Variants in COL6A5 observed in about 807,000 individuals in gnomAD.
COL6A5 encodes collagen alpha-5(VI) chain.
Under a neutral mutation model 65.6 loss-of-function variants are expected in COL6A5, and 48 were observed. That is an observed-to-expected ratio of 0.73 (90% CI 0.58 to 0.93). The LOEUF is 0.93. Among genes scored for constraint, COL6A5 ranks in the 40% least tolerant of loss-of-function variants. The pLI is 0.00. For synonymous variants in COL6A5, 291 were observed against 322.8 expected, an observed-to-expected ratio of 0.90 and a Z score of 1.05; for missense variants, 914 against 928.3, an observed-to-expected ratio of 0.98 and a Z score of 0.20.
At chr3:130,417,424 C>A (rs898562821) in intron 24 of COL6A5, among the ~76,000 whole-genome samples, 1 of 152,076 alleles carries the variant, frequency 6.6e-6, no homozygotes, top group Non-Finnish European at 1.5e-5. Flanking sequence ...TTCCATTGAG[C>A]AAAGAGTTTC....
At chr3:130,420,278 T>C (rs1156775370) in intron 25 of COL6A5, among the ~76,000 whole-genome samples, 6 of 152,116 alleles carry the variant, frequency 3.9e-5, no homozygotes, top group Non-Finnish European at 8.8e-5. Flanking sequence ...ATATTTATCA[T>C]TATCATCCTG....
intron 7 of COL6A5, among the ~76,000 whole-genome samples, chr3:130,471,414 T>A (rs1399237381): frequency 6.6e-6 from 1 of 152,112 alleles, no homozygotes; most frequent in Non-Finnish European, 1.5e-5. Context: ...CAAGTTTGAT[T>A]TTACAAAGTA....
chr3:130,418,744 C>A, intron 24 of COL6A5, 125 bp from the exon 25 acceptor site: 1 of 719,808 alleles, frequency 1.4e-6, no homozygotes, highest in East Asian at 2.7e-5. Flanking sequence ...CTACACTCAT[C>A]CCCTTAGTGA....
chr3:130,444,843 T>A (rs1017243203), intron 4 of COL6A5, among the ~76,000 whole-genome samples: 1 of 152,212 alleles, frequency 6.6e-6, no homozygotes, highest in African/African-American at 2.4e-5. Context: ...TAAATTTAGT[T>A]ATGTCCAATG....
At chr3:130,417,616 T>C (rs1462974230) in intron 24 of COL6A5, among the ~76,000 whole-genome samples, 1 of 152,046 alleles carries the variant, frequency 6.6e-6, no homozygotes, top group Non-Finnish European at 1.5e-5. Flanking sequence ...TGCATGTGGT[T>C]CTCGAACCAC....
Position 130,380,986 on chromosome 3 carries a change from C to T in COL6A5, c.1300+936C>T, listed in dbSNP as rs1249247710. On this transcript the variant is annotated intron_variant and NMD_transcript_variant, in intron 4 of 41. Coordinates refer to the COL6A5 transcript ENST00000312481. Reference sequence around the variant, plus strand: ...GGATCGTTGTCCAAAATAATGGCTCCAGGCATCACCCTCACATCCAGAAAT... The same window carrying T: ...GGATCGTTGTCCAAAATAATGGCTCTAGGCATCACCCTCACATCCAGAAAT... 4.6e-5 allele frequency among the ~76,000 whole-genome samples: 7 copies of T among 152,044 alleles called. No individual in the cohort carries two copies. The South Asian group carries it at 1.2e-3, about 27-fold the overall frequency.
chr3:130,431,567 T>C (rs1482019931), exon 1 of COL6A5: 3 of 1,551,506 alleles, frequency 1.9e-6, no homozygotes, highest in African/African-American at 2.7e-5. Context: ...ATCACTTCCA[T>C]TGTCAATGAC....
intron 7 of COL6A5, among the ~76,000 whole-genome samples, chr3:130,481,083 C>G (rs1291501255): frequency 6.6e-6 from 1 of 151,604 alleles, no homozygotes; most frequent in Non-Finnish European, 1.5e-5. Context: ...TTCTGGGATA[C>G]ATGTATAAAA....
chr3:130,403,708 TAC>T (rs71158192), intron 13 of COL6A5, 46 bp downstream of exon 13: 44,020 of 1,120,310 alleles, frequency 0.039, 54 homozygotes, highest in African/African-American at 0.053. Context: ...ACACACACTG[TAC>T]ACACACACAC....
At position 130,387,176 on chromosome 3, in the gene COL6A5, A is replaced by T. The variant is rs568397085; in HGVS notation, c.1862-1404A>T. Reference sequence around the variant, plus strand: ...GAGCCTACCACACTCAACTGTTTTAATGGTAAGACCCAGAAGTGGCCAGAT... The same window carrying T: ...GAGCCTACCACACTCAACTGTTTTATTGGTAAGACCCAGAAGTGGCCAGAT... On this transcript the variant is annotated intron_variant and NMD_transcript_variant, in intron 5 of 41. Transcript: ENST00000312481. 2.6e-5 allele frequency among the ~76,000 whole-genome samples: 4 copies of T among 152,152 alleles called. No individual in the cohort carries two copies. In the East Asian group the frequency reaches 7.7e-4, roughly 29 times the overall value.
At chr3:130,418,099 T>G (rs1937405312) in intron 24 of COL6A5, among the ~76,000 whole-genome samples, 2 of 152,134 alleles carry the variant, frequency 1.3e-5, no homozygotes, top group South Asian at 4.1e-4. Context: ...ATAGATACAT[T>G]ACCTAACTTA....
chr3:130,418,931 G>C (rs1415935017), exon 25 of COL6A5: 3 of 1,550,566 alleles, frequency 1.9e-6, no homozygotes, highest in Non-Finnish European at 2.6e-6. Flanking sequence ...GAGGAAGACA[G>C]GTATGAAGTT....
upstream of COL6A5, chr3:130,429,452 T>C: frequency 1.3e-6 from 1 of 758,496 alleles, no homozygotes; most frequent in Middle Eastern, 2.4e-4. Context: ...CACTTAGGAA[T>C]TAGCCTCATT....
At chr3:130,398,661 C>T (rs1194489874) in intron 10 of COL6A5, among the ~76,000 whole-genome samples, 1 of 152,126 alleles carries the variant, frequency 6.6e-6, no homozygotes, top group Non-Finnish European at 1.5e-5. Context: ...CTGATCTGAA[C>T]CATGTACCTG....
At chr3:130,428,137 A>G (rs116794495), upstream of COL6A5, among the ~76,000 whole-genome samples, 1 of 152,266 alleles carries the variant, frequency 6.6e-6, no homozygotes, top group African/African-American at 2.4e-5. Flanking sequence ...ACATAGAATA[A>G]AAGGAATTAG....
chr3:130,472,814 T>C (rs922616630), intron 7 of COL6A5, among the ~76,000 whole-genome samples: 1 of 135,118 alleles, frequency 7.4e-6, no homozygotes, highest in Non-Finnish European at 1.6e-5. Context: ...CAAAAAAGTT[T>C]ATATATGTGT....
At position 130,471,650 on chromosome 3, in the gene COL6A5, T is replaced by C. The variant is rs761232386; in HGVS notation, c.2328+683T>C. 1.5e-5 allele frequency: 23 copies of C among 1,525,496 alleles called. No homozygotes were observed. The Middle Eastern group carries it at 5.5e-4, about 36-fold the overall frequency. The allele number at this position is 1,525,496 out of a possible 1,614,324, so 94.5% of individuals were successfully genotyped here. Reference sequence around the variant, plus strand: ...TAATCTTGCAGGGGACTTGGCTAACTAATTTTTTATCTCTCTTCTCTATTA... The same window carrying C: ...TAATCTTGCAGGGGACTTGGCTAACCAATTTTTTATCTCTCTTCTCTATTA... On this transcript the variant is annotated intron_variant, in intron 7 of 7. Transcript: ENST00000512836.
At position 130,347,861 on chromosome 3, in the gene COL6A5, G is replaced by T. The variant is rs6791196; in HGVS notation, c.-29+1880G>T. Among the ~76,000 whole-genome samples the T allele has an allele frequency of 9.5e-3, 1,453 of 152,248 alleles. 31 individuals are homozygous for T. Among genetic ancestry groups the T allele is most frequent in the African/African-American group, 0.033 (1,389 of 41,540 alleles). Reference sequence around the variant, plus strand: ...AGATCCAGTACACACTGAGCAAGTGGAAAGTGCAAAGGAAGAGGAGTTGGG... The same window carrying T: ...AGATCCAGTACACACTGAGCAAGTGTAAAGTGCAAAGGAAGAGGAGTTGGG... On this transcript the variant is annotated intron_variant and NMD_transcript_variant, in intron 1 of 41. Transcript: ENST00000312481.
intron 7 of COL6A5, among the ~76,000 whole-genome samples, chr3:130,473,928 A>G (rs1358506631): frequency 6.6e-6 from 1 of 151,910 alleles, no homozygotes; most frequent in African/African-American, 2.4e-5. Context: ...TTAAGTTTTC[A>G]TTTCTGTGTT....
Sources: gnomAD v4.1 joint callset for allele counts (sites outside exome capture counted in the v4.1 genomes callset) on GRCh38, gnomAD v4.1.1 for gene constraint, MANE v1.5 for transcripts, NCBI Gene and HGNC (gene_info 2026-07-23, HGNC 2026-07-21) for gene names.